Variants in TBC1D5 observed in about 807,000 individuals in gnomAD.
The protein encoded by TBC1D5 is TBC1 domain family member 5, also known as TBC1 domain family, member 5.
TBC1D5 carries 75 observed loss-of-function variants against 100.3 expected under a neutral mutation model. The ratio of observed to expected loss-of-function variants is 0.75; its 90% CI spans 0.62 to 0.91. The LOEUF (loss-of-function observed/expected upper bound fraction) is 0.91. TBC1D5 is among the 40% of genes least tolerant of loss of function. The pLI is 0.00. For synonymous variants in TBC1D5, 323 were observed against 325.6 expected (o/e 0.99, Z 0.09); for missense variants, 910 against 942.4 (o/e 0.97, Z 0.45).
At chr3:17,460,420 C>T (rs1403479507) in intron 3 of TBC1D5, among the ~76,000 whole-genome samples, 1 of 152,106 alleles carries the variant, frequency 6.6e-6, no homozygotes, top group Non-Finnish European at 1.5e-5. Context: ...GTAGCTAATG[C>T]TCAAATGGTT....
At chr3:17,461,492 C>T (rs1202052205) in intron 3 of TBC1D5, among the ~76,000 whole-genome samples, 1 of 152,194 alleles carries the variant, frequency 6.6e-6, no homozygotes, top group Admixed American at 6.5e-5. Flanking sequence ...CATTCACTGG[C>T]TTCATAACCT....
At chr3:17,641,988 C>T (rs988415607) in intron 1 of TBC1D5, among the ~76,000 whole-genome samples, 1 of 152,010 alleles carries the variant, frequency 6.6e-6, no homozygotes, top group Non-Finnish European at 1.5e-5. Flanking sequence ...TAGTATTGCT[C>T]TTTTATTGAT....
chr3:17,232,729 C>A, intron 17 of TBC1D5, among the ~76,000 whole-genome samples: 1 of 152,110 alleles, frequency 6.6e-6, no homozygotes, highest in South Asian at 2.1e-4. Flanking sequence ...TAACCCAATA[C>A]ATCAATCTCT....
chr3:17,462,211 G>A (rs1303155880), intron 3 of TBC1D5, among the ~76,000 whole-genome samples: 1 of 151,844 alleles, frequency 6.6e-6, no homozygotes, highest in Non-Finnish European at 1.5e-5. Context: ...TCATTGTTAA[G>A]GTCTGCTCTG....
intron 2 of TBC1D5, among the ~76,000 whole-genome samples, chr3:17,520,254 T>G (rs1405471481): frequency 6.6e-6 from 1 of 152,200 alleles, no homozygotes; most frequent in Non-Finnish European, 1.5e-5. Context: ...CAACCTGATC[T>G]AACCTTTGAC....
At chr3:17,204,419 A>G (rs2071889611) in intron 18 of TBC1D5, among the ~76,000 whole-genome samples, 1 of 152,376 alleles carries the variant, frequency 6.6e-6, no homozygotes, top group Middle Eastern at 3.4e-3. Context: ...AAACGCTATC[A>G]ATGACACATT....
intron 18 of TBC1D5, among the ~76,000 whole-genome samples, chr3:17,201,013 A>G (rs2071396170): frequency 6.6e-6 from 1 of 152,214 alleles, no homozygotes. Flanking sequence ...TATGGTCAAA[A>G]GAATTATTTG....
exon 13 of TBC1D5, chr3:17,372,145 G>A (rs2092494656): frequency 6.2e-7 from 1 of 1,613,716 alleles, no homozygotes; most frequent in Non-Finnish European, 8.5e-7. Context: ...TGCTTCTTCA[G>A]TAGATGATCC....
chr3:17,555,811 T>C (rs936570808), intron 2 of TBC1D5, among the ~76,000 whole-genome samples: 11 of 152,146 alleles, frequency 7.2e-5, no homozygotes, highest in African/African-American at 2.7e-4. Flanking sequence ...TCTATTTTAA[T>C]GTTAATGCTG....
At chr3:17,395,291 T>A (rs371359625) in intron 8 of TBC1D5, among the ~76,000 whole-genome samples, 2 of 152,044 alleles carry the variant, frequency 1.3e-5, no homozygotes, top group East Asian at 3.9e-4. Flanking sequence ...CCTACCATAA[T>A]GGTAAAAAAT....
intron 4 of TBC1D5, among the ~76,000 whole-genome samples, chr3:17,407,569 C>A (rs1207009280): frequency 6.6e-6 from 1 of 152,094 alleles, no homozygotes; most frequent in Non-Finnish European, 1.5e-5. Context: ...CTGGCCAGAC[C>A]CTACTTATTT....
intron 13 of TBC1D5, among the ~76,000 whole-genome samples, chr3:17,356,346 G>A (rs931144402): frequency 2.6e-5 from 4 of 152,100 alleles, no homozygotes; most frequent in African/African-American, 9.7e-5. Context: ...CAGGCTTGCT[G>A]CTTCAAAACA....
chr3:17,305,820 A>T (rs945866676), intron 14 of TBC1D5, among the ~76,000 whole-genome samples: 2 of 152,082 alleles, frequency 1.3e-5, no homozygotes, highest in African/African-American at 4.8e-5. Flanking sequence ...TCTCTGATCC[A>T]CTGTTTTTCT....
chr3:17,409,954 G>A (rs1050198278), intron 4 of TBC1D5, among the ~76,000 whole-genome samples: 8 of 152,148 alleles, frequency 5.3e-5, no homozygotes, highest in African/African-American at 1.9e-4. Context: ...GATAACTGCT[G>A]AAGGTAGCTA....
chr3:17,669,364 A>G (rs2067664756), intron 1 of TBC1D5, among the ~76,000 whole-genome samples: 1 of 152,206 alleles, frequency 6.6e-6, no homozygotes, highest in Non-Finnish European at 1.5e-5. Context: ...GGACTAATAC[A>G]ACGACAAAGA....
At chr3:17,548,073 G>A (rs1018800916) in intron 2 of TBC1D5, among the ~76,000 whole-genome samples, 12 of 152,028 alleles carry the variant, frequency 7.9e-5, no homozygotes, top group African/African-American at 2.9e-4. Context: ...CCAACATTTT[G>A]GGAGGCCAAG....
At chr3:17,710,729 G>A (rs546778580) in intron 1 of TBC1D5, among the ~76,000 whole-genome samples, 6 of 151,928 alleles carry the variant, frequency 3.9e-5, no homozygotes, top group Non-Finnish European at 8.8e-5. Context: ...ACAGAGCCTC[G>A]CTCTGTTGCC....
intron 4 of TBC1D5, among the ~76,000 whole-genome samples, chr3:17,414,722 A>G (rs2094020331): frequency 6.6e-6 from 1 of 152,208 alleles, no homozygotes; most frequent in Admixed American, 6.5e-5. Context: ...ATCACAGGTA[A>G]TGAGGGAACT....
At chr3:17,225,453 A>C (rs752945492) in intron 17 of TBC1D5, among the ~76,000 whole-genome samples, 8 of 150,836 alleles carry the variant, frequency 5.3e-5, no homozygotes, top group Non-Finnish European at 1.0e-4. Flanking sequence ...AAAAAAAAAA[A>C]AAACAAAAAA....
Sources: gnomAD v4.1 joint callset for allele counts (sites outside exome capture counted in the v4.1 genomes callset) on GRCh38, gnomAD v4.1.1 for gene constraint, MANE v1.5 for transcripts, NCBI Gene and HGNC (gene_info 2026-07-23, HGNC 2026-07-21) for gene names.